The following GFOD1 variants were observed in gnomAD, a reference collection of about 807,000 sequenced individuals.
GFOD1 encodes the protein glucose-fructose oxidoreductase domain-containing protein 1.
Under a neutral mutation model 25.4 loss-of-function variants are expected in GFOD1, and 9 were observed. That is an observed-to-expected ratio of 0.35 (90% CI 0.21 to 0.62). GFOD1 has a LOEUF of 0.62. Among genes scored for constraint, GFOD1 ranks in the 20% least tolerant of loss-of-function variants. The pLI is 0.72. For missense variants in GFOD1, 403 were observed against 556.9 expected (o/e 0.72, Z 2.78); for synonymous variants, 253 against 245.6 (o/e 1.03, Z -0.28).
Position 13,363,979 on chromosome 6 carries a change from T to C in GFOD1, c.*764A>G, listed in dbSNP as rs963579847. 1 of 152,230 alleles carries C rather than the reference T, an allele frequency of 6.6e-6. No individual in the cohort carries two copies. Among genetic ancestry groups the C allele is most frequent in the Non-Finnish European group, 1.5e-5 (1 of 68,052 alleles). The allele number at this position is 152,230 out of a possible 1,614,324, so 9.4% of individuals were successfully genotyped here. On this transcript the variant is annotated 3_prime_UTR_variant, in exon 2 of 2. Transcript: ENST00000379287. ...TGTTGACAAGTTCAAAGGGATATTT[T>C]ATTCTCTGCTGCCCCTGCTTTGGTG...
chr6:13,397,509 T>A (rs1045656630), intron 1 of GFOD1, among the ~76,000 whole-genome samples: 1 of 152,190 alleles, frequency 6.6e-6, no homozygotes, highest in Non-Finnish European at 1.5e-5. Context: ...GCCTCTGCCA[T>A]AACCTGGAAG....
intron 1 of GFOD1, among the ~76,000 whole-genome samples, chr6:13,402,223 C>T (rs2127563676): frequency 6.6e-6 from 1 of 152,276 alleles, no homozygotes; most frequent in East Asian, 1.9e-4. Context: ...AAAGCTAAAA[C>T]TATAAAACTC....
In GFOD1 at chr6:13,357,962, G is replaced by A. The variant is rs868665854; in HGVS notation, c.*6781C>T. ...CTGAGTGATGCTGACCGCTGGCTCC[G>A]AGCATCGAGCATCGCAGAGATCACA... On this transcript the variant is annotated 3_prime_UTR_variant, in exon 2 of 2. Transcript: ENST00000379287. The A allele has an allele frequency of 6.6e-6, 1 of 152,274 alleles. No individual in the cohort carries two copies. Among genetic ancestry groups the A allele is most frequent in the South Asian group, 2.1e-4 (1 of 4,838 alleles). The allele number at this position is 152,274 out of a possible 1,614,324, so 9.4% of individuals were successfully genotyped here.
chr6:13,410,577 GGA>G (rs10530261), intron 1 of GFOD1, among the ~76,000 whole-genome samples: 1,911 of 128,068 alleles, frequency 0.015, 29 homozygotes, highest in African/African-American at 0.044. Context: ...AAGAAAGAAA[GGA>G]GAGAGAGAGA....
rs540305006 is a variant in GFOD1 at position 13,361,601 on chromosome 6, C to T, written c.*3142G>A. 1 of 152,332 alleles carries T rather than the reference C, an allele frequency of 6.6e-6. No individual in the cohort carries two copies. Among genetic ancestry groups the T allele is most frequent in the East Asian group, 1.9e-4 (1 of 5,194 alleles). 9.4% of individuals were successfully genotyped at this position (152,332 alleles called of 1,614,324 possible). On this transcript the variant is annotated 3_prime_UTR_variant, in exon 2 of 2. Coordinates refer to ENST00000379287, the MANE Select transcript of GFOD1 (RefSeq NM_018988.4). ...GAACACTGTTGAAGGCTAGAGATTT[C>T]AGCTTCATATAGCTACCCCAAATCA...
At chr6:13,390,800 G>GAAGGAAGGAAGA (rs1175063831) in intron 1 of GFOD1, among the ~76,000 whole-genome samples, 5 of 150,772 alleles carry the variant, frequency 3.3e-5, no homozygotes, top group Admixed American at 1.3e-4. Flanking sequence ...AGGAAGGAAG[G>GAAGGAAGGAAGA]AAGGAAGGAA....
intron 1 of GFOD1, among the ~76,000 whole-genome samples, chr6:13,412,782 C>A (rs1281935315): frequency 2.0e-5 from 3 of 152,188 alleles, no homozygotes; most frequent in Non-Finnish European, 4.4e-5. Flanking sequence ...AGCACTTCCC[C>A]CGCCCTCCTT....
At chr6:13,393,492 C>A (rs1309717473) in intron 1 of GFOD1, among the ~76,000 whole-genome samples, 1 of 151,898 alleles carries the variant, frequency 6.6e-6, no homozygotes, top group East Asian at 1.9e-4. Flanking sequence ...CAGAGAGACC[C>A]TGCAGACACA....
intron 1 of GFOD1, among the ~76,000 whole-genome samples, chr6:13,446,803 T>C (rs1212647391): frequency 2.0e-5 from 3 of 152,162 alleles, no homozygotes; most frequent in African/African-American, 4.8e-5. Context: ...ATGTTAGAGA[T>C]CAGAAGCACA....
intron 1 of GFOD1, chr6:13,486,413 C>G (rs1010709386): frequency 1.3e-5 from 8 of 604,926 alleles, no homozygotes; most frequent in East Asian, 2.8e-5. Flanking sequence ...CGTGGGGAAG[C>G]GCGTCCAAGT....
chr6:13,373,928 C>A (rs1297226278), intron 1 of GFOD1, among the ~76,000 whole-genome samples: 1 of 152,104 alleles, frequency 6.6e-6, no homozygotes, highest in African/African-American at 2.4e-5. Flanking sequence ...TTTTCAATCC[C>A]CATGAAAGTT....
At chr6:13,412,998 T>C (rs1050223236) in intron 1 of GFOD1, among the ~76,000 whole-genome samples, 3 of 152,232 alleles carry the variant, frequency 2.0e-5, no homozygotes, top group Non-Finnish European at 4.4e-5. Flanking sequence ...ACTGTATACA[T>C]GAGAGGCCCA....
intron 1 of GFOD1, among the ~76,000 whole-genome samples, chr6:13,424,552 A>G (rs922131470): frequency 1.3e-5 from 2 of 152,246 alleles, no homozygotes; most frequent in Non-Finnish European, 2.9e-5. Flanking sequence ...CAGGTTTCAA[A>G]GAAGACTCCA....
chr6:13,392,557 A>G (rs541402611), intron 1 of GFOD1, among the ~76,000 whole-genome samples: 10 of 152,154 alleles, frequency 6.6e-5, no homozygotes, highest in African/African-American at 9.6e-5. Flanking sequence ...ACTACACTGG[A>G]GAAATGAGAG....
chr6:13,434,549 A>G (rs1040317153), intron 1 of GFOD1, among the ~76,000 whole-genome samples: 1 of 152,110 alleles, frequency 6.6e-6, no homozygotes, highest in African/African-American at 2.4e-5. Context: ...CATTATGGGA[A>G]CACAGAAGTC....
At chr6:13,391,823 GCTTAGCA>G (rs1386307711) in intron 1 of GFOD1, among the ~76,000 whole-genome samples, 1 of 152,338 alleles carries the variant, frequency 6.6e-6, no homozygotes, top group Admixed American at 6.5e-5. Context: ...CATCTTGAGA[GCTTAGCA>G]CAGGGTCTGG....
intron 1 of GFOD1, among the ~76,000 whole-genome samples, chr6:13,427,327 C>T (rs1757657301): frequency 6.6e-6 from 1 of 152,132 alleles, no homozygotes; most frequent in Non-Finnish European, 1.5e-5. Flanking sequence ...AGGTAACAGA[C>T]ATAGAAAACT....
Position 13,410,577 on chromosome 6 carries a change from GGAGAGA to G in GFOD1, c.254-44921_254-44916del, listed in dbSNP as rs10530261. ...AGCAAAACTCTGTCAAAGAAAGAAA[GGAGAGA>G]GAGAGAGAGAGAGAGAGAGAGAGAG... is the stretch of plus-strand genomic sequence containing the variant. On this transcript the variant is annotated intron_variant, in intron 1 of 1. Coordinates refer to ENST00000379287, the MANE Select transcript of GFOD1 (RefSeq NM_018988.4). 2.1e-3 allele frequency among the ~76,000 whole-genome samples: 273 copies of G among 128,182 alleles called. 4 individuals are homozygous for G. Among genetic ancestry groups the G allele is most frequent in the African/African-American group, 8.9e-3 (247 of 27,834 alleles). The allele number at this position is 128,182 out of a possible 152,430, so 84.1% of individuals were successfully genotyped here. A position where few individuals can be genotyped will look rare whatever the true frequency, so the allele number is the denominator to read the frequency against.
In GFOD1 at chr6:13,462,190, T is replaced by C. The variant is rs533956657; in HGVS notation, c.253+24448A>G. Among the ~76,000 whole-genome samples the C allele has an allele frequency of 1.7e-3, 258 of 152,342 alleles. 1 individual carries two copies. The highest frequency in any genetic ancestry group is 5.7e-3 in the African/African-American group (235 of 41,588). On this transcript the variant is annotated intron_variant, in intron 1 of 1. Coordinates refer to ENST00000379287, the MANE Select transcript of GFOD1 (RefSeq NM_018988.4). ...TTTATGTCGCGGGTGAGGAAGGATC[T>C]GATATAGTGTGTCTTCAAAAGTATT...
Sources: gnomAD v4.1 joint callset for allele counts (sites outside exome capture counted in the v4.1 genomes callset) on GRCh38, gnomAD v4.1.1 for gene constraint, MANE v1.5 for transcripts, NCBI Gene and HGNC (gene_info 2026-07-23, HGNC 2026-07-21) for gene names.